Variants in HS6ST3 observed in about 807,000 individuals in gnomAD.
HS6ST3 encodes heparan sulfate 6-O-sulfotransferase 3, also known as heparan-sulfate 6-O-sulfotransferase 3.
Under a neutral mutation model 36.7 loss-of-function variants are expected in HS6ST3, and 12 were observed. That is an observed-to-expected ratio of 0.33 (90% CI 0.21 to 0.53). HS6ST3 has a LOEUF of 0.53. Ranked by LOEUF, HS6ST3 falls within the 20% of genes least tolerant of loss-of-function variation. The probability of loss-of-function intolerance (pLI) is 0.95; values close to 1 mark genes in which losing one functional copy is unlikely to be tolerated. For missense variants in HS6ST3, 584 were observed against 640.9 expected (o/e 0.91, Z 0.96); for synonymous variants, 240 against 257.5 (o/e 0.93, Z 0.65).
intron 1 of HS6ST3, among the ~76,000 whole-genome samples, chr13:96,700,712 T>A (rs1360958342): frequency 6.6e-6 from 1 of 152,072 alleles, no homozygotes; most frequent in East Asian, 1.9e-4. Context: ...GGAGGAAAAA[T>A]TATCCACTGT....
chr13:96,751,633 G>T (rs148055805), intron 1 of HS6ST3, among the ~76,000 whole-genome samples: 1 of 151,976 alleles, frequency 6.6e-6, no homozygotes, highest in South Asian at 2.1e-4. Context: ...TTTAAATAAA[G>T]CCTGGACTCC....
intron 1 of HS6ST3, among the ~76,000 whole-genome samples, chr13:96,559,615 A>G (rs913752115): frequency 2.6e-5 from 4 of 152,186 alleles, no homozygotes; most frequent in East Asian, 3.9e-4. Context: ...CTGTCTCTTT[A>G]AGCAAGCGGA....
At chr13:96,654,626 T>C (rs920453364) in intron 1 of HS6ST3, among the ~76,000 whole-genome samples, 3 of 152,210 alleles carry the variant, frequency 2.0e-5, no homozygotes, top group Admixed American at 2.0e-4. Flanking sequence ...GTAGTACAGT[T>C]TGAAGTCAGG....
chr13:96,289,710 C>G (rs1458832723), intron 1 of HS6ST3, among the ~76,000 whole-genome samples: 3 of 152,098 alleles, frequency 2.0e-5, no homozygotes, highest in Non-Finnish European at 4.4e-5. Context: ...CTTTTGGCCA[C>G]CTAAAAGTAA....
chr13:96,191,363 A>G (rs2054287797), intron 1 of HS6ST3, among the ~76,000 whole-genome samples: 1 of 152,164 alleles, frequency 6.6e-6, no homozygotes, highest in South Asian at 2.1e-4. Context: ...CTGCGTATAC[A>G]CACAAGAACA....
intron 1 of HS6ST3, among the ~76,000 whole-genome samples, chr13:96,107,564 G>C (rs141459957): frequency 1.1e-3 from 170 of 152,254 alleles, no homozygotes; most frequent in Admixed American, 0.011. Flanking sequence ...AAGACTGTGG[G>C]AATATAATTA....
At chr13:96,415,712 A>G (rs1339468220) in intron 1 of HS6ST3, among the ~76,000 whole-genome samples, 1 of 152,194 alleles carries the variant, frequency 6.6e-6, no homozygotes, top group Non-Finnish European at 1.5e-5. Context: ...TGTTTCATTT[A>G]TGCCACTTCC....
Position 96,160,087 on chromosome 13 carries a change from C to T in HS6ST3, c.707+68518C>T, listed in dbSNP as rs181486112. ...ACATGCTAGGCATGTAGTAAGCACT[C>T]AATAGCTAATAAAGTGAATAATAGC... is the stretch of plus-strand genomic sequence containing the variant. On this transcript the variant is annotated intron_variant, in intron 1 of 1. Transcript: ENST00000376705. 3.1e-3 allele frequency among the ~76,000 whole-genome samples: 478 copies of T among 152,262 alleles called. 3 individuals carry two copies. The highest frequency in any genetic ancestry group is 5.1e-3 in the Non-Finnish European group (346 of 68,020).
At chr13:96,129,123 T>C (rs1403325048) in intron 1 of HS6ST3, among the ~76,000 whole-genome samples, 3 of 152,198 alleles carry the variant, frequency 2.0e-5, no homozygotes, top group African/African-American at 7.2e-5. Flanking sequence ...AGTGCTGGGA[T>C]TATAGCTGTG....
chr13:96,685,940 C>G (rs1166817695), intron 1 of HS6ST3, among the ~76,000 whole-genome samples: 1 of 152,014 alleles, frequency 6.6e-6, no homozygotes, highest in Admixed American at 6.6e-5. Flanking sequence ...CACTTAATGA[C>G]AGTGACAGAC....
intron 1 of HS6ST3, among the ~76,000 whole-genome samples, chr13:96,284,185 G>A (rs904845074): frequency 3.9e-5 from 6 of 152,108 alleles, no homozygotes; most frequent in African/African-American, 1.4e-4. Flanking sequence ...TTTTGGTTGT[G>A]TATGAGTCAG....
intron 1 of HS6ST3, among the ~76,000 whole-genome samples, chr13:96,462,039 C>A (rs1009434330): frequency 2.6e-5 from 4 of 152,096 alleles, no homozygotes; most frequent in Non-Finnish European, 5.9e-5. Context: ...CTATGTCACA[C>A]AAAACAAATT....
chr13:96,244,474 G>T (rs2054575704), intron 1 of HS6ST3, among the ~76,000 whole-genome samples: 1 of 152,088 alleles, frequency 6.6e-6, no homozygotes, highest in African/African-American at 2.4e-5. Context: ...AATCAAGGAG[G>T]TGTGCTAATT....
At chr13:96,797,520 A>C (rs1877943093) in intron 1 of HS6ST3, among the ~76,000 whole-genome samples, 2 of 152,134 alleles carry the variant, frequency 1.3e-5, no homozygotes, top group Non-Finnish European at 2.9e-5. Context: ...ATCTTGAAGA[A>C]ATAGTGGTCT....
intron 1 of HS6ST3, among the ~76,000 whole-genome samples, chr13:96,285,150 G>T (rs947788024): frequency 5.9e-5 from 9 of 152,052 alleles, no homozygotes; most frequent in African/African-American, 1.4e-4. Context: ...GGTAAAAAAA[G>T]AACAGGAGGC....
chr13:96,578,436 A>G (rs1224018375), intron 1 of HS6ST3, among the ~76,000 whole-genome samples: 2 of 152,210 alleles, frequency 1.3e-5, no homozygotes, highest in Non-Finnish European at 2.9e-5. Flanking sequence ...GGCACTGATG[A>G]GGGTGCCCAC....
intron 1 of HS6ST3, among the ~76,000 whole-genome samples, chr13:96,684,396 A>G (rs1874707014): frequency 6.6e-6 from 1 of 152,066 alleles, no homozygotes; most frequent in South Asian, 2.1e-4. Context: ...TAGTGTTAAT[A>G]TTTGACACCA....
At chr13:96,681,130 A>G (rs1421816485) in intron 1 of HS6ST3, among the ~76,000 whole-genome samples, 3 of 152,186 alleles carry the variant, frequency 2.0e-5, no homozygotes, top group African/African-American at 7.2e-5. Context: ...TTTCACTCGA[A>G]GAAGAGTGCT....
chr13:96,830,949 C>A (rs150142053), intron 1 of HS6ST3, among the ~76,000 whole-genome samples: 1 of 152,152 alleles, frequency 6.6e-6, no homozygotes, highest in Non-Finnish European at 1.5e-5. Flanking sequence ...AGACAGCTTG[C>A]GGGCCTGCTC....
Sources: gnomAD v4.1 joint callset for allele counts (sites outside exome capture counted in the v4.1 genomes callset) on GRCh38, gnomAD v4.1.1 for gene constraint, MANE v1.5 for transcripts, NCBI Gene and HGNC (gene_info 2026-07-23, HGNC 2026-07-21) for gene names.